Variants in EIF2B3 observed in about 807,000 individuals in gnomAD.
EIF2B3 encodes translation initiation factor eIF2B subunit gamma.
Under a neutral mutation model 54.1 loss-of-function variants are expected in EIF2B3, and 20 were observed. That is an observed-to-expected ratio of 0.37 (90% CI 0.26 to 0.54). EIF2B3 has a LOEUF of 0.54. Ranked by LOEUF, EIF2B3 falls within the 20% of genes least tolerant of loss-of-function variation. The probability of loss-of-function intolerance (pLI) is 0.86; values close to 1 mark genes in which losing one functional copy is unlikely to be tolerated. For missense variants in EIF2B3, 448 were observed against 547.8 expected, an observed-to-expected ratio of 0.82 and a Z score of 1.82; for synonymous variants, 153 against 188.1, an observed-to-expected ratio of 0.81 and a Z score of 1.52.
rs146343517 is a variant in EIF2B3, at chr1:44,961,971, C to T, written c.294+16344G>A. ...CTTTGGGAGGCCAAGGCGGGTGGAT[C>T]ACTTGAGGTCAGGAGTTCAAGACCA... On this transcript the variant is annotated intron_variant, in intron 3 of 11. Transcript: ENST00000360403. Among the ~76,000 whole-genome samples, 786 of 152,144 alleles carry T rather than the reference C, an allele frequency of 5.2e-3. 10 individuals carry two copies. Among genetic ancestry groups the T allele is most frequent in the African/African-American group, 0.018 (755 of 41,488 alleles).
intron 5 of EIF2B3, among the ~76,000 whole-genome samples, chr1:44,898,537 G>A (rs1271285646): frequency 6.6e-6 from 1 of 151,904 alleles, no homozygotes; most frequent in Non-Finnish European, 1.5e-5. Flanking sequence ...TGCCATGCTT[G>A]TAATGTTTGA....
chr1:44,888,116 A>G (rs1655660523), intron 6 of EIF2B3, among the ~76,000 whole-genome samples: 2 of 152,318 alleles, frequency 1.3e-5, no homozygotes, highest in East Asian at 1.9e-4. Context: ...CTTGGTTAAA[A>G]ATGGATACAG....
chr1:44,884,276 G>A (rs1215064998), intron 6 of EIF2B3, among the ~76,000 whole-genome samples: 1 of 152,196 alleles, frequency 6.6e-6, no homozygotes, highest in African/African-American at 2.4e-5. Flanking sequence ...TCTGAGAGAT[G>A]AGATAATGAG....
At chr1:44,864,812 T>C (rs1283066583) in intron 10 of EIF2B3, among the ~76,000 whole-genome samples, 1 of 152,220 alleles carries the variant, frequency 6.6e-6, no homozygotes, top group East Asian at 1.9e-4. Flanking sequence ...TTTTCTTTCC[T>C]TGTAGGGATG....
intron 10 of EIF2B3, among the ~76,000 whole-genome samples, chr1:44,868,619 C>T (rs192954906): frequency 5.9e-5 from 9 of 151,882 alleles, no homozygotes; most frequent in Admixed American, 5.2e-4. Context: ...GCAGGTGTGA[C>T]CCACTGTGTC....
chr1:44,874,925 A>G (rs1476777443), intron 9 of EIF2B3, 99 bp from the exon 10 acceptor site: 6 of 1,454,188 alleles, frequency 4.1e-6, no homozygotes, highest in Non-Finnish European at 5.8e-6. Context: ...ATCTTTCCAT[A>G]GAGACACTTC....
chr1:44,982,784 C>T (rs1180918974), intron 1 of EIF2B3, among the ~76,000 whole-genome samples: 12 of 144,074 alleles, frequency 8.3e-5, no homozygotes, highest in Non-Finnish European at 1.4e-4. Context: ...TTTTTTGAGA[C>T]GGAGTTTCTC....
intron 8 of EIF2B3, among the ~76,000 whole-genome samples, chr1:44,877,212 A>AAAAAAAAAAAAAAAAAAAAAAC (rs1557666558): frequency 1.4e-5 from 2 of 148,054 alleles, no homozygotes; most frequent in African/African-American, 5.0e-5. Flanking sequence ...AAAAAAAAAA[A>AAAAAAAAAAAAAAAAAAAAAAC]AAAAAAAAAA....
rs534302537 is a variant in EIF2B3, at chr1:44,856,866, G to A, written c.1306+838C>T. ...GTCACCCAGGCTAGAGTGCAGTGGT[G>A]CGATCTCAGCTCACTGCAGCCTTGA... On this transcript the variant is annotated intron_variant, in intron 11 of 11. Transcript: ENST00000360403. Among the ~76,000 whole-genome samples, 38 of 152,272 alleles carry A rather than the reference G, an allele frequency of 2.5e-4. No individual in the cohort carries two copies. In the South Asian group the frequency reaches 7.9e-3, roughly 32 times the overall value.
At position 44,852,243 on chromosome 1, in the gene EIF2B3, C is replaced by T. The variant is rs140034567; in HGVS notation, c.1307-1240G>A. 1.0e-2 allele frequency among the ~76,000 whole-genome samples: 1,507 copies of T among 151,344 alleles called. 77 individuals carry two copies. Among genetic ancestry groups the T allele is most frequent in the Admixed American group, 0.088 (1,335 of 15,134 alleles). On this transcript the variant is annotated intron_variant, in intron 11 of 11. Coordinates refer to ENST00000360403, the MANE Select transcript of EIF2B3 (RefSeq NM_020365.5). ...GCCTCCCAAAGTGCTGGATTACAGG[C>T]GTGAGCCACCGCACTTGGCCCTGTT...
At chr1:44,851,154 T>C (rs1654255278) in intron 11 of EIF2B3, 151 bp from the exon 12 acceptor site, 2 of 739,078 alleles carry the variant, frequency 2.7e-6, no homozygotes, top group Non-Finnish European at 4.6e-6. Flanking sequence ...AACCTCCATC[T>C]CCCAGGTTCA....
intron 3 of EIF2B3, among the ~76,000 whole-genome samples, chr1:44,944,293 G>A (rs538916740): frequency 2.0e-4 from 31 of 152,050 alleles, no homozygotes; most frequent in African/African-American, 7.0e-4. Flanking sequence ...TATTTTCCAG[G>A]CTTCTGGATA....
Position 44,970,308 on chromosome 1 carries a change from C to CA in EIF2B3, c.294+8006dup, listed in dbSNP as rs200295200. 4.5e-3 allele frequency among the ~76,000 whole-genome samples: 689 copies of CA among 151,596 alleles called. 1 individual carries two copies. Among genetic ancestry groups the CA allele is most frequent in the Non-Finnish European group, 6.6e-3 (448 of 67,850 alleles). ...CATTATAAGTTAAAAATTGTTTTAA[C>CA]AAAAAAAAGCCAAATAAAGTGAATG... On this transcript the variant is annotated intron_variant, in intron 3 of 11. Transcript: ENST00000360403.
chr1:44,984,353 C>T (rs1020345622), intron 1 of EIF2B3, among the ~76,000 whole-genome samples: 1 of 151,754 alleles, frequency 6.6e-6, no homozygotes, highest in African/African-American at 2.4e-5. Context: ...GGTATGGTGG[C>T]GCATGCCTGT....
chr1:44,915,539 A>G (rs1643604403), intron 5 of EIF2B3, among the ~76,000 whole-genome samples: 1 of 151,646 alleles, frequency 6.6e-6, no homozygotes, highest in Admixed American at 6.6e-5. Flanking sequence ...TTAAAAAAAA[A>G]TATTTATAGA....
At chr1:44,941,419 C>A in intron 4 of EIF2B3, 87 bp downstream of exon 4, 1 of 1,461,534 alleles carries the variant, frequency 6.8e-7, no homozygotes. Flanking sequence ...ATAGTAGATT[C>A]TTAATAAATG....
intron 5 of EIF2B3, among the ~76,000 whole-genome samples, chr1:44,922,728 T>C (rs913727381): frequency 1.3e-5 from 2 of 152,004 alleles, no homozygotes; most frequent in African/African-American, 4.8e-5. Context: ...CAATATTTTA[T>C]AATTTTCATT....
At chr1:44,986,144 T>TTTC (rs1557719543) in intron 1 of EIF2B3, among the ~76,000 whole-genome samples, 4 of 149,624 alleles carry the variant, frequency 2.7e-5, no homozygotes, top group African/African-American at 7.3e-5. Flanking sequence ...TTTTCTTTTT[T>TTTC]TTTTTTTTTT....
chr1:44,917,673 C>CCCAT (rs1404406362), intron 5 of EIF2B3, among the ~76,000 whole-genome samples: 1 of 150,742 alleles, frequency 6.6e-6, no homozygotes, highest in East Asian at 1.9e-4. Context: ...CCCTTTCCTG[C>CCCAT]CCATTTTCTG....
Sources: allele counts gnomAD v4.1 joint callset (sites outside exome capture counted in the v4.1 genomes callset), GRCh38; gene constraint gnomAD v4.1.1; transcripts MANE v1.5; gene names NCBI Gene and HGNC (gene_info 2026-07-23, HGNC 2026-07-21).